IRAG1: variants seen among roughly 807,000 people sequenced by gnomAD.
IRAG1 encodes the protein inositol 1,4,5-triphosphate receptor associated 1.
In IRAG1, 62 loss-of-function variants were observed where a neutral mutation model predicts 106.2. The observed-to-expected ratio is 0.58, with a 90% CI of 0.48 to 0.72. The LOEUF is 0.72. IRAG1 is among the 30% of genes least tolerant of loss of function. IRAG1 has a pLI of 0.00. For missense variants in IRAG1, 1,064 were observed against 1,140.7 expected, an observed-to-expected ratio of 0.93 and a Z score of 0.97; for synonymous variants, 462 against 443.9, an observed-to-expected ratio of 1.04 and a Z score of -0.51.
chr11:10,600,695 G>GAGTT (rs1346624810), intron 15 of IRAG1, among the ~76,000 whole-genome samples: 2 of 152,220 alleles, frequency 1.3e-5, no homozygotes, highest in African/African-American at 2.4e-5. Context: ...ATTGCTTTGG[G>GAGTT]AGTTAGGAAG....
chr11:10,606,755 T>G lies in IRAG1; in HGVS notation c.1589A>C (p.Glu530Ala), dbSNP rs770720818. ...SLPGSAPPLT[E>A]KEVENVFVQL... ...TGAGTCACTTACCTCAACTTCCTTT[T>G]CAGTGAGTGGAGGGGCACTGTGAAA... is the stretch of plus-strand genomic sequence containing the variant. Residue 530 changes from glutamate (E) to alanine (A), a missense_variant, in exon 12 of 21, where the codon GAA becomes GCA. Transcript: ENST00000423302. 6.3e-7 allele frequency: 1 copy of G among 1,595,094 alleles called. No homozygotes were observed. Among genetic ancestry groups the G allele is most frequent in the African/African-American group, 1.3e-5 (1 of 74,822 alleles).
intron 12 of IRAG1, among the ~76,000 whole-genome samples, chr11:10,605,796 C>G (rs892307679): frequency 6.6e-6 from 1 of 152,232 alleles, no homozygotes; most frequent in Non-Finnish European, 1.5e-5. Flanking sequence ...CTGCCTTACC[C>G]GGCCTTGGTC....
intron 10 of IRAG1, among the ~76,000 whole-genome samples, chr11:10,614,027 GGCCA>G (rs1855190125): frequency 6.6e-6 from 1 of 152,088 alleles, no homozygotes; most frequent in African/African-American, 2.4e-5. Context: ...GACAACTACG[GGCCA>G]CCCTATAGCC....
At chr11:10,664,592 G>A (rs1228466069) in intron 1 of IRAG1, among the ~76,000 whole-genome samples, 1 of 152,220 alleles carries the variant, frequency 6.6e-6, no homozygotes, top group Non-Finnish European at 1.5e-5. Flanking sequence ...ATGAGTTCAA[G>A]TTCACGTTGC....
chr11:10,600,921 A>C lies in IRAG1; in HGVS notation c.2014T>G (p.Ser672Ala), dbSNP rs764242097. 6.2e-7 allele frequency: 1 copy of C among 1,614,028 alleles called. No homozygotes were observed. Among genetic ancestry groups the C allele is most frequent in the East Asian group, 2.2e-5 (1 of 44,880 alleles). The part of the protein sequence containing the change: ...NQNSSRSCGP[S>A]EDGVPRTARS... ...GGGCAGGAGCCTAGGTCCTTACCAG[A>C]GGGGCCACAGCTGCGGCTTGAATTC... The change falls in exon 15 of 21, where the codon TCT becomes GCT. Residue 672 changes from serine to alanine, a missense_variant. Ser to Ala is a moderately conservative substitution (Grantham distance 99, BLOSUM62 1). Coordinates refer to ENST00000423302, the MANE Select transcript of IRAG1 (RefSeq NM_130385.4).
At chr11:10,636,530 T>C (rs1857160893) in intron 2 of IRAG1, among the ~76,000 whole-genome samples, 1 of 152,238 alleles carries the variant, frequency 6.6e-6, no homozygotes, top group Admixed American at 6.5e-5. Context: ...ATGTTTTAAA[T>C]AAATGTGTAC....
intron 2 of IRAG1, among the ~76,000 whole-genome samples, chr11:10,643,269 A>G (rs1361114343): frequency 6.6e-6 from 1 of 151,490 alleles, no homozygotes; most frequent in Non-Finnish European, 1.5e-5. Flanking sequence ...GAGAGAGCAG[A>G]AGTGCCTCTG....
At chr11:10,621,850 A>C (rs1855859278) in intron 10 of IRAG1, among the ~76,000 whole-genome samples, 1 of 152,246 alleles carries the variant, frequency 6.6e-6, no homozygotes, top group South Asian at 2.1e-4. Context: ...TGAGCTCGAC[A>C]CAAAAGGACA....
In IRAG1 at chr11:10,594,093, A is replaced by G. The variant is rs1852988533; in HGVS notation, c.2067+53T>C. The G allele has an allele frequency of 2.0e-6, 3 of 1,508,074 alleles. No homozygotes were observed. In the Admixed American group the frequency reaches 5.9e-5, roughly 30 times the overall value. The allele number at this position is 1,508,074 out of a possible 1,614,324, so 93.4% of individuals were successfully genotyped here. ...TGAATGATTGTTTGGGTGACCATGG[A>G]AACTTCTGTCATACTCCTTCCAGGA... On this transcript the variant is annotated intron_variant, in intron 16 of 20. Coordinates refer to ENST00000423302, the MANE Select transcript of IRAG1 (RefSeq NM_130385.4).
chr11:10,671,230 G>A (rs981263686), intron 1 of IRAG1, among the ~76,000 whole-genome samples: 1 of 152,150 alleles, frequency 6.6e-6, no homozygotes, highest in African/African-American at 2.4e-5. Flanking sequence ...TCTTATATAT[G>A]CAAAATCCTG....
chr11:10,603,101 G>C lies in IRAG1; in HGVS notation c.1875+19C>G, dbSNP rs367720915. 1.2e-6 allele frequency: 2 copies of C among 1,602,256 alleles called. No individual in the cohort carries two copies. The highest frequency in any genetic ancestry group is 4.5e-5 in the East Asian group (2 of 44,516). ...TAGGTGGAACAGAGTTGGCAAGACC[G>C]GGGGCTGGAGAGACTCACCTGGCGG... On this transcript the variant is annotated intron_variant, in intron 14 of 20. Coordinates refer to ENST00000423302, the MANE Select transcript of IRAG1 (RefSeq NM_130385.4).
In IRAG1 at chr11:10,602,335, T is replaced by C. The variant is rs571965342; in HGVS notation, c.1875+785A>G. Reference sequence around the variant, plus strand: ...AACATAATAACAACATCCAAATGCTTTACAAGTACGGCAGCAACCCTCTAT... The same window carrying C: ...AACATAATAACAACATCCAAATGCTCTACAAGTACGGCAGCAACCCTCTAT... On this transcript the variant is annotated intron_variant, in intron 14 of 20. Transcript: ENST00000423302. Among the ~76,000 whole-genome samples, 7 of 152,338 alleles carry C rather than the reference T, an allele frequency of 4.6e-5. 2 individuals carry two copies. In the East Asian group the frequency reaches 1.3e-3, roughly 29 times the overall value.
chr11:10,652,444 G>A (rs530194195), intron 1 of IRAG1: 18 of 882,386 alleles, frequency 2.0e-5, no homozygotes, highest in Non-Finnish European at 2.9e-5. Flanking sequence ...AGGGAGAAAT[G>A]TGCTTCGAAC....
At chr11:10,634,185 G>A (rs1856956763) in intron 2 of IRAG1, 114 bp from the exon 3 acceptor site, 4 of 537,822 alleles carry the variant, frequency 7.4e-6, no homozygotes, top group Non-Finnish European at 1.3e-5. Flanking sequence ...TTGATAAGGG[G>A]ACAAATGCAG....
intron 2 of IRAG1, among the ~76,000 whole-genome samples, chr11:10,646,738 A>G (rs776331075): frequency 2.6e-5 from 4 of 152,212 alleles, no homozygotes; most frequent in Non-Finnish European, 5.9e-5. Context: ...ATGTCTGCCT[A>G]GAGCATCAAC....
chr11:10,583,177 C>A (rs1369412786), intron 18 of IRAG1, among the ~76,000 whole-genome samples: 5 of 152,162 alleles, frequency 3.3e-5, no homozygotes, highest in African/African-American at 1.2e-4. Flanking sequence ...TGGAGATATT[C>A]ATTTGGTGTC....
intron 10 of IRAG1, among the ~76,000 whole-genome samples, chr11:10,614,711 A>G (rs1855253757): frequency 6.6e-6 from 1 of 152,232 alleles, no homozygotes; most frequent in Non-Finnish European, 1.5e-5. Context: ...TATTTAATAA[A>G]TGGTGCTGGG....
chr11:10,677,965 C>CT (rs1263870480), intron 1 of IRAG1, among the ~76,000 whole-genome samples: 1 of 152,162 alleles, frequency 6.6e-6, no homozygotes, highest in African/African-American at 2.4e-5. Context: ...TACTTCATTC[C>CT]TTTTTATGGC....
chr11:10,692,015 G>A (rs1862096224), intron 1 of IRAG1, among the ~76,000 whole-genome samples: 2 of 152,202 alleles, frequency 1.3e-5, no homozygotes, highest in South Asian at 4.1e-4. Flanking sequence ...TAAGAACCAT[G>A]TGTTTGCTGT....
Sources: gnomAD v4.1 joint callset for allele counts (sites outside exome capture counted in the v4.1 genomes callset) on GRCh38, gnomAD v4.1.1 for gene constraint, MANE v1.5 for transcripts, NCBI Gene and HGNC (gene_info 2026-07-23, HGNC 2026-07-21) for gene names.